SLC49A4: variants seen among roughly 807,000 people sequenced by gnomAD.
The protein encoded by SLC49A4 is solute carrier family 49 member 4, also known as disrupted in renal cancer protein 2.
In SLC49A4, 36 loss-of-function variants were observed where a neutral mutation model predicts 50.6. The observed-to-expected ratio is 0.71, with a 90% CI of 0.55 to 0.94. The LOEUF is 0.94. SLC49A4 is among the 40% of genes least tolerant of loss of function. SLC49A4 has a pLI of 0.00. For synonymous variants in SLC49A4, 248 were observed against 241.2 expected (o/e 1.03, Z -0.26); for missense variants, 503 against 605.7 (o/e 0.83, Z 1.78).
intron 2 of SLC49A4, among the ~76,000 whole-genome samples, chr3:122,816,787 G>A (rs1576294282): frequency 6.6e-6 from 1 of 152,242 alleles, no homozygotes; most frequent in Non-Finnish European, 1.5e-5. Flanking sequence ...CAGCACAGTG[G>A]TCACATTGCA....
intron 8 of SLC49A4, 132 bp from the exon 9 acceptor site, chr3:122,879,131 C>T (rs780902000): frequency 6.0e-6 from 4 of 662,446 alleles, no homozygotes; most frequent in African/African-American, 3.6e-5. Flanking sequence ...TATTGAAAGC[C>T]AGTTTCTAGG....
At chr3:122,833,203 T>G (rs1191129444) in intron 3 of SLC49A4, 114 bp from the exon 4 acceptor site, 1 of 1,039,936 alleles carries the variant, frequency 9.6e-7, no homozygotes, top group Admixed American at 2.0e-5. Flanking sequence ...TTCATGCCAC[T>G]GCATTCCAGC....
chr3:122,835,854 C>T lies in SLC49A4; in HGVS notation c.833+2408C>T, dbSNP rs145462895. 4.4e-3 allele frequency among the ~76,000 whole-genome samples: 667 copies of T among 152,022 alleles called. 6 individuals carry two copies. The highest frequency in any genetic ancestry group is 0.015 in the African/African-American group (636 of 41,470). Reference sequence around the variant, plus strand: ...TGATATGATCATATACCTAAAAAACCCTAAAGACTCTTCCAAAAGACTCCT... The same window carrying T: ...TGATATGATCATATACCTAAAAAACTCTAAAGACTCTTCCAAAAGACTCCT... On this transcript the variant is annotated intron_variant, in intron 4 of 8. Transcript: ENST00000261038.
chr3:122,865,377 C>A (rs1218493384), intron 7 of SLC49A4, among the ~76,000 whole-genome samples: 2 of 152,186 alleles, frequency 1.3e-5, no homozygotes, highest in African/African-American at 4.8e-5. Flanking sequence ...TACCTTACAG[C>A]AAAATATGCC....
intron 2 of SLC49A4, among the ~76,000 whole-genome samples, chr3:122,807,351 T>G (rs976243895): frequency 1.3e-5 from 2 of 151,958 alleles, no homozygotes; most frequent in Admixed American, 1.3e-4. Flanking sequence ...AACTAGGCAT[T>G]GAATGATGAG....
At chr3:122,806,758 G>T in intron 1 of SLC49A4, 99 bp from the exon 2 acceptor site, 5 of 673,296 alleles carry the variant, frequency 7.4e-6, no homozygotes, top group African/African-American at 1.9e-5. Context: ...CATAATATTA[G>T]CATATAATGT....
chr3:122,817,476 C>T (rs1936386899), intron 2 of SLC49A4, among the ~76,000 whole-genome samples: 1 of 152,132 alleles, frequency 6.6e-6, no homozygotes, highest in Admixed American at 6.6e-5. Flanking sequence ...TTATTTTAAC[C>T]ACTGAGTTTG....
At chr3:122,859,083 G>GAA (rs1937025930) in intron 6 of SLC49A4, among the ~76,000 whole-genome samples, 1 of 152,192 alleles carries the variant, frequency 6.6e-6, no homozygotes, top group African/African-American at 2.4e-5. Flanking sequence ...TTCCAATAGA[G>GAA]AAAGTGCTAT....
chr3:122,860,876 TG>T (rs1937051138), intron 7 of SLC49A4, among the ~76,000 whole-genome samples: 1 of 152,232 alleles, frequency 6.6e-6, no homozygotes. Flanking sequence ...CAGGTCTCAC[TG>T]GGCTAAAATC....
chr3:122,795,080 C>T lies in SLC49A4; in HGVS notation c.-113C>T, dbSNP rs1935987619. ...GGCGCACCAGGCGCGGTCCGGAGGCCGAGGGCGACCACAGCAGCCTCCGCC... is the reference window on the plus strand; with the variant it reads ...GGCGCACCAGGCGCGGTCCGGAGGCTGAGGGCGACCACAGCAGCCTCCGCC... On this transcript the variant is annotated 5_prime_UTR_variant, in exon 1 of 9. Transcript: ENST00000261038. The T allele has an allele frequency of 5.9e-6, 7 of 1,183,730 alleles. No individual in the cohort carries two copies. Among genetic ancestry groups the T allele is most frequent in the South Asian group, 4.3e-5 (1 of 23,286 alleles). 73.3% of individuals were successfully genotyped at this position (1,183,730 alleles called of 1,614,324 possible).
chr3:122,847,378 C>T (rs1217664119), intron 5 of SLC49A4, among the ~76,000 whole-genome samples: 4 of 142,730 alleles, frequency 2.8e-5, no homozygotes, highest in South Asian at 2.2e-4. Flanking sequence ...GATGGAGTCT[C>T]GCTCTGTCGC....
intron 7 of SLC49A4, among the ~76,000 whole-genome samples, chr3:122,866,431 T>A (rs1937121804): frequency 6.6e-6 from 1 of 152,174 alleles, no homozygotes; most frequent in Non-Finnish European, 1.5e-5. Flanking sequence ...TTAGGCATCA[T>A]CTAATATAAT....
At chr3:122,834,691 A>T (rs966478542) in intron 4 of SLC49A4, among the ~76,000 whole-genome samples, 1 of 152,112 alleles carries the variant, frequency 6.6e-6, no homozygotes, top group Admixed American at 6.6e-5. Context: ...AAGCCAGCAG[A>T]AAAAAAGAAA....
At chr3:122,818,476 A>G (rs867033149) in intron 2 of SLC49A4, among the ~76,000 whole-genome samples, 1 of 152,182 alleles carries the variant, frequency 6.6e-6, no homozygotes, top group South Asian at 2.1e-4. Flanking sequence ...AAAATTTTCT[A>G]CTATGAATAT....
chr3:122,834,747 C>T (rs1936654878), intron 4 of SLC49A4, among the ~76,000 whole-genome samples: 1 of 151,726 alleles, frequency 6.6e-6, no homozygotes, highest in African/African-American at 2.4e-5. Context: ...ACAAAAAATA[C>T]AAAAGATCAA....
chr3:122,870,044 A>G (rs974913617), intron 7 of SLC49A4, among the ~76,000 whole-genome samples: 5 of 152,214 alleles, frequency 3.3e-5, no homozygotes, highest in Admixed American at 1.3e-4. Flanking sequence ...GAATTATTCT[A>G]TTAACCAGAT....
intron 2 of SLC49A4, among the ~76,000 whole-genome samples, chr3:122,826,537 T>C (rs149398489): frequency 0.013 from 1,968 of 152,284 alleles, 18 homozygotes; most frequent in Middle Eastern, 0.027. Flanking sequence ...AGTACTTAGT[T>C]TGATGTGTGG....
chr3:122,854,865 G>A (rs1936965434), intron 5 of SLC49A4, among the ~76,000 whole-genome samples: 1 of 152,196 alleles, frequency 6.6e-6, no homozygotes, highest in East Asian at 1.9e-4. Flanking sequence ...GCCGAGGCGG[G>A]CGGATCACGA....
At chr3:122,878,628 A>G (rs1937295149) in intron 8 of SLC49A4, among the ~76,000 whole-genome samples, 1 of 152,222 alleles carries the variant, frequency 6.6e-6, no homozygotes, top group African/African-American at 2.4e-5. Flanking sequence ...GTTTTCCAAT[A>G]ATTGGCATCA....
Sources: gnomAD v4.1 joint callset for allele counts (sites outside exome capture counted in the v4.1 genomes callset) on GRCh38, gnomAD v4.1.1 for gene constraint, MANE v1.5 for transcripts, NCBI Gene and HGNC (gene_info 2026-07-23, HGNC 2026-07-21) for gene names.